Variants in MAN2C1 observed in about 807,000 individuals in gnomAD.
MAN2C1 encodes alpha-mannosidase 2C1.
A neutral mutation model predicts 126.9 loss-of-function variants in MAN2C1; 111 were observed. The ratio of observed to expected loss-of-function variants is 0.87; its 90% CI spans 0.75 to 1.02. MAN2C1 has a LOEUF of 1.02. Among genes scored for constraint, MAN2C1 ranks in the 50% least tolerant of loss-of-function variants. The pLI, the probability that MAN2C1 is intolerant of heterozygous loss-of-function variation, is 0.00. For synonymous variants in MAN2C1, 567 were observed against 561.5 expected, an observed-to-expected ratio of 1.01 and a Z score of -0.14; for missense variants, 1,363 against 1,364.4, an observed-to-expected ratio of 1.00 and a Z score of 0.02.
chr15:75,364,935 G>A (rs1457878647), intron 4 of MAN2C1, among the ~76,000 whole-genome samples: 2 of 152,234 alleles, frequency 1.3e-5, no homozygotes, highest in African/African-American at 4.8e-5. Context: ...TATTTCCAAA[G>A]TTGTCTTTGC....
Position 75,368,505 on chromosome 15 carries a change from T to C in MAN2C1, c.79A>G (p.Thr27Ala), listed in dbSNP as rs1222263842. 3.9e-6 allele frequency: 6 copies of C among 1,554,862 alleles called. No homozygotes were observed. The East Asian group carries it at 7.3e-5, about 19-fold the overall frequency. Residue 27 changes from threonine to alanine, a missense_variant, in exon 1 of 26, where the codon ACC becomes GCC. Thr to Ala is a moderately conservative substitution (Grantham distance 58). Coordinates refer to ENST00000267978, the MANE Select transcript of MAN2C1 (RefSeq NM_006715.4). The part of the protein sequence containing the change: ...VEKFVSPLYF[T>A]DCNLRGRLFG... ...CACCTGCCGCGGAGGTTACAGTCGG[T>C]AAAGTAGAGCGGCGACACGAACTTC...
Position 75,362,754 on chromosome 15 carries a change from C to T in MAN2C1, c.791-6G>A, listed in dbSNP as rs556231443. 48 of 1,613,020 alleles carry T rather than the reference C, an allele frequency of 3.0e-5. No individual in the cohort carries two copies. Among genetic ancestry groups the T allele is most frequent in the African/African-American group, 2.5e-4 (19 of 74,906 alleles). On this transcript the variant is annotated splice_polypyrimidine_tract_variant and splice_region_variant and intron_variant, in intron 6 of 25. Transcript: ENST00000267978. This position sits in a 1 kb window ranked among gnomAD's most constrained non-coding sequence, Gnocchi z 4.5. ...TTTGAAGGGCCAAAGCCAGGCTATA[C>T]GGGGAGTGAGGTGGAGGACAGAGGG...
intron 21 of MAN2C1, chr15:75,357,126 A>AT (rs1335452917): frequency 9.0e-6 from 5 of 555,668 alleles, no homozygotes; most frequent in South Asian, 2.4e-5. Context: ...TCGAATGATC[A>AT]TGAGTATCAA....
intron 4 of MAN2C1, 149 bp downstream of exon 4, chr15:75,366,373 A>G: frequency 1.2e-5 from 8 of 672,588 alleles, no homozygotes; most frequent in Non-Finnish European, 2.0e-5. Flanking sequence ...TTAGGAAAAA[A>G]TCATGCTTTT....
At chr15:75,363,775 C>T (rs2072522501) in intron 6 of MAN2C1, 4 of 543,432 alleles carry the variant, frequency 7.4e-6, no homozygotes, top group African/African-American at 3.8e-5. Context: ...CATTGCACTC[C>T]ACCCTGGGTG....
In MAN2C1 at chr15:75,362,340, T is replaced by C. The variant is rs755307848; in HGVS notation, c.1008+3A>G. 1 of 1,613,242 alleles carries C rather than the reference T, an allele frequency of 6.2e-7. No homozygotes were observed. Among genetic ancestry groups the C allele is most frequent in the South Asian group, 1.1e-5 (1 of 91,068 alleles). On this transcript the variant is annotated splice_donor_region_variant and intron_variant, in intron 8 of 25. Coordinates refer to ENST00000267978, the MANE Select transcript of MAN2C1 (RefSeq NM_006715.4). This position sits in a 1 kb window ranked among gnomAD's most constrained non-coding sequence, Gnocchi z 4.5. ...AAGGCTGAGGAGTGCCCAGTGCACTTACCATCTCCACCCAGGTGCCCCCCA... is the reference window on the plus strand; with the variant it reads ...AAGGCTGAGGAGTGCCCAGTGCACTCACCATCTCCACCCAGGTGCCCCCCA...
Position 75,358,499 on chromosome 15 carries a change from A to T in MAN2C1, c.2366T>A (p.Leu789Gln), listed in dbSNP as rs770188905. ...PNSRLSQEVV[L>Q]DVGCPYVRFH... ...GCGGACATAGGGGCAGCCAACGTCC[A>T]GCACAACCTCCTGGCTAAGCCGACT... The change falls in exon 20 of 26, where the codon CTG becomes CAG. Residue 789 changes from leucine to glutamine, a missense_variant. This residue lies in a region of MAN2C1 where 668 missense variants were observed against 650.1 expected (regional missense o/e 1.03). Transcript: ENST00000267978. 2.7e-5 allele frequency: 44 copies of T among 1,613,436 alleles called. No homozygotes were observed. The highest frequency in any genetic ancestry group is 3.3e-5 in the Non-Finnish European group (39 of 1,180,026).
chr15:75,360,999 G>C (rs772413117), intron 12 of MAN2C1, 47 bp downstream of exon 12: 2 of 1,574,242 alleles, frequency 1.3e-6, no homozygotes, highest in Non-Finnish European at 8.6e-7. Flanking sequence ...AGGGCTCATG[G>C]CAAGGGCCCA....
At chr15:75,367,411 G>C (rs2072596179) in intron 3 of MAN2C1, 100 bp downstream of exon 3, 1 of 1,471,932 alleles carries the variant, frequency 6.8e-7, no homozygotes, top group Non-Finnish European at 9.2e-7. Flanking sequence ...TGTGGGCAGA[G>C]CAACTCAGCT....
intron 4 of MAN2C1, among the ~76,000 whole-genome samples, chr15:75,365,422 A>C (rs1392743904): frequency 1.3e-5 from 2 of 152,294 alleles, no homozygotes; most frequent in East Asian, 3.9e-4. Context: ...AATCTTAACT[A>C]GTAAAAACTA....
At chr15:75,367,714 G>C in intron 2 of MAN2C1, 80 bp from the exon 3 acceptor site, 1 of 1,558,118 alleles carries the variant, frequency 6.4e-7, no homozygotes, top group Non-Finnish European at 8.8e-7. Flanking sequence ...GTCGGCAGGG[G>C]CTTGAAACTC....
chr15:75,356,888 G>A lies in MAN2C1; in HGVS notation c.2562C>T (p.Arg854=). Residue 854 remains arginine (R), a synonymous_variant, in exon 22 of 26, where the codon CGC becomes CGT. Coordinates refer to ENST00000267978, the MANE Select transcript of MAN2C1 (RefSeq NM_006715.4). The surrounding 1 kb of genome is among the most constrained non-coding windows in gnomAD (Gnocchi z 5.8). ...AGCCGTGTTCTGACAGATCCATCCA[G>A]CGATGGGCCCACACCTGGAGGGCAG... ...DWARFEVWAH[R]WMDLSEHGFG... The A allele has an allele frequency of 6.2e-7, 1 of 1,614,016 alleles. No individual in the cohort carries two copies. Among genetic ancestry groups the A allele is most frequent in the Non-Finnish European group, 8.5e-7 (1 of 1,179,982 alleles).
rs1187996555 is a variant in MAN2C1 at position 75,368,515 on chromosome 15, C to G, written c.69G>C (p.Pro23=). ...GGAGGTTACAGTCGGTAAAGTAGAGCGGCGACACGAACTTCTCCACCCGCT... is the reference window on the plus strand; with the variant it reads ...GGAGGTTACAGTCGGTAAAGTAGAGGGGCGACACGAACTTCTCCACCCGCT... The part of the protein sequence containing the change: ...TLERVEKFVS[P]LYFTDCNLRG... The change falls in exon 1 of 26, where the codon CCG becomes CCC. Residue 23 remains proline (P), a synonymous_variant. Coordinates refer to ENST00000267978, the MANE Select transcript of MAN2C1 (RefSeq NM_006715.4). 1 of 1,555,938 alleles carries G rather than the reference C, an allele frequency of 6.4e-7. No homozygotes were observed. Among genetic ancestry groups the G allele is most frequent in the Admixed American group, 1.9e-5 (1 of 51,708 alleles).
At position 75,358,309 on chromosome 15, in the gene MAN2C1, C is replaced by T. The variant is rs778822939; in HGVS notation, c.2439G>A (p.Val813=). ...HWHEAHKFLK[V]EFPARVRSSQ... ...AACTCCGCACGCGAGCAGGGAACTC[C>T]ACCTTCAGGAACTTGTGGGCCTCAT... The change falls in exon 21 of 26, where the codon GTG becomes GTA. Residue 813 remains valine (V), a synonymous_variant. Coordinates refer to ENST00000267978, the MANE Select transcript of MAN2C1 (RefSeq NM_006715.4). 2.5e-6 allele frequency: 4 copies of T among 1,614,060 alleles called. No homozygotes were observed. In the African/African-American group the frequency reaches 5.3e-5, roughly 22 times the overall value.
chr15:75,363,402 G>C, intron 6 of MAN2C1: 2 of 436,892 alleles, frequency 4.6e-6, no homozygotes, highest in Non-Finnish European at 9.2e-6. Context: ...GTGCTCTCCA[G>C]TGCCTCAGAC....
intron 3 of MAN2C1, 42 bp downstream of exon 3, chr15:75,367,469 C>A (rs1254778068): frequency 6.2e-7 from 1 of 1,605,980 alleles, no homozygotes; most frequent in Admixed American, 1.7e-5. Flanking sequence ...CATTTCAGGG[C>A]TGAAATGTGG....
Position 75,359,312 on chromosome 15 carries a change from G to A in MAN2C1, c.2046+16C>T. The A allele has an allele frequency of 3.2e-6, 5 of 1,580,906 alleles. No individual in the cohort carries two copies. The highest frequency in any genetic ancestry group is 4.3e-6 in the Non-Finnish European group (5 of 1,161,840). ...TCCCAGCACAGTTCCTGCCCCCCAG[G>A]GCATGCAGGACTCACCTCTTGCACT... On this transcript the variant is annotated intron_variant, in intron 17 of 25. Coordinates refer to ENST00000267978, the MANE Select transcript of MAN2C1 (RefSeq NM_006715.4).
intron 16 of MAN2C1, 48 bp downstream of exon 16, chr15:75,359,572 G>A: frequency 6.2e-7 from 1 of 1,605,574 alleles, no homozygotes; most frequent in Non-Finnish European, 8.5e-7. Context: ...GATCTGTCTG[G>A]CCTCCATCCT....
Position 75,360,140 on chromosome 15 carries a change from G to C in MAN2C1, c.1656C>G (p.Ala552=). 1 of 1,613,716 alleles carries C rather than the reference G, an allele frequency of 6.2e-7. No individual in the cohort carries two copies. Among genetic ancestry groups the C allele is most frequent in the Non-Finnish European group, 8.5e-7 (1 of 1,180,008 alleles). ...CTGGGTATAGGAACTGGGCACTGCGGGCCAGGGCCAGGCTACTGAGCAGCT... is the reference window on the plus strand; with the variant it reads ...CTGGGTATAGGAACTGGGCACTGCGCGCCAGGGCCAGGCTACTGAGCAGCT... ...DVELLSSLAL[A]RSAQFLYPAA... Residue 552 remains alanine (A), a synonymous_variant, in exon 14 of 26, where the codon GCC becomes GCG. Coordinates refer to ENST00000267978, the MANE Select transcript of MAN2C1 (RefSeq NM_006715.4).
Sources: allele counts gnomAD v4.1 joint callset (sites outside exome capture counted in the v4.1 genomes callset), GRCh38; gene constraint gnomAD v4.1.1; regional missense constraint gnomAD v4.1.1; non-coding constraint Gnocchi (gnomAD v3.1); transcripts MANE v1.5; gene names NCBI Gene and HGNC (gene_info 2026-07-23, HGNC 2026-07-21).